Variants in SEZ6L observed in about 807,000 individuals in gnomAD.
The protein encoded by SEZ6L is seizure 6-like protein.
In SEZ6L, 37 loss-of-function variants were observed where a neutral mutation model predicts 106.2. That is an observed-to-expected ratio of 0.35 (90% CI 0.27 to 0.46). The LOEUF (loss-of-function observed/expected upper bound fraction) is 0.46, where lower values mean the gene tolerates loss of function less well. Among genes scored for constraint, SEZ6L ranks in the 20% least tolerant of loss-of-function variants. The probability of loss-of-function intolerance (pLI) is 1.00; values close to 1 mark genes in which losing one functional copy is unlikely to be tolerated. For missense variants in SEZ6L, 1,172 were observed against 1,332.8 expected (o/e 0.88, Z 1.88); for synonymous variants, 541 against 570.4 (o/e 0.95, Z 0.73).
chr22:26,190,611 A>G (rs1263242175), intron 1 of SEZ6L, among the ~76,000 whole-genome samples: 1 of 152,148 alleles, frequency 6.6e-6, no homozygotes, highest in East Asian at 1.9e-4. Context: ...GATTAAGTCT[A>G]TAGTTGGCCT....
rs2081155078 is a variant in SEZ6L, at chr22:26,292,393, C to T, written c.95-13C>T. 19 of 1,598,926 alleles carry T rather than the reference C, an allele frequency of 1.2e-5. No homozygotes were observed. Among genetic ancestry groups the T allele is most frequent in the Non-Finnish European group, 1.6e-5 (19 of 1,170,624 alleles). On this transcript the variant is annotated splice_polypyrimidine_tract_variant and intron_variant, in intron 1 of 16. Coordinates refer to ENST00000248933, the MANE Select transcript of SEZ6L (RefSeq NM_021115.5). The stretch of plus-strand genomic sequence containing the variant: ...CTCCCCAAACTAACTGGTGTCTTTT[C>T]TCCTCTTCCAAGATGCTCTTCCCGA...
chr22:26,299,309 T>G (rs574042522), intron 5 of SEZ6L, 140 bp downstream of exon 5: 2 of 591,004 alleles, frequency 3.4e-6, no homozygotes, highest in East Asian at 6.9e-5. Flanking sequence ...ATGACTATTG[T>G]TATTTATGTT....
chr22:26,382,184 C>A lies in SEZ6L; in HGVS notation c.*1889C>A. On this transcript the variant is annotated 3_prime_UTR_variant, in exon 17 of 17. Coordinates refer to ENST00000248933, the MANE Select transcript of SEZ6L (RefSeq NM_021115.5). ...CCAGGACCCAAAGCCCCATTTAATG[C>A]AAGAACCAGAGAAGTGTTCTAGGCC... The A allele has an allele frequency of 2.6e-6, 1 of 385,228 alleles. No individual in the cohort carries two copies. The highest frequency in any genetic ancestry group is 5.2e-6 in the Non-Finnish European group (1 of 194,034). The allele number at this position is 385,228 out of a possible 1,614,324, so 23.9% of individuals were successfully genotyped here.
At chr22:26,170,230 G>A (rs990370966) in intron 1 of SEZ6L, among the ~76,000 whole-genome samples, 1 of 151,952 alleles carries the variant, frequency 6.6e-6, no homozygotes, top group African/African-American at 2.4e-5. Flanking sequence ...CGCTCCCCCC[G>A]ACACCACAGA....
rs554678240 is a variant in SEZ6L at position 26,324,473 on chromosome 22, TGCCTTGTCCAGAG to T, written c.2015+10574_2015+10586del. ...TTAATTCCAAGCCCTAAAAATTAAG[TGCCTTGTCCAGAG>T]GCACTTCAGTTCTTCAAACAGAGAT... On this transcript the variant is annotated intron_variant, in intron 9 of 16. Transcript: ENST00000248933. Among the ~76,000 whole-genome samples the T allele has an allele frequency of 7.9e-5, 12 of 152,282 alleles. No individual in the cohort carries two copies. The East Asian group carries it at 1.9e-3, about 24-fold the overall frequency.
chr22:26,251,365 G>C (rs2079576530), intron 1 of SEZ6L, among the ~76,000 whole-genome samples: 1 of 150,200 alleles, frequency 6.7e-6, no homozygotes, highest in Non-Finnish European at 1.5e-5. Flanking sequence ...ATCATGAATG[G>C]ATGTTGAATT....
chr22:26,275,662 G>A (rs1011337637), intron 1 of SEZ6L, among the ~76,000 whole-genome samples: 3 of 152,182 alleles, frequency 2.0e-5, no homozygotes, highest in African/African-American at 7.2e-5. Flanking sequence ...TTGCCCATCT[G>A]TAAAATGACG....
chr22:26,326,970 G>A (rs958998250), intron 9 of SEZ6L, among the ~76,000 whole-genome samples: 4 of 152,194 alleles, frequency 2.6e-5, no homozygotes, highest in East Asian at 1.9e-4. Flanking sequence ...AGGCGGGGAC[G>A]GCCCCTGTGT....
chr22:26,355,460 G>T (rs1156537358), intron 12 of SEZ6L, among the ~76,000 whole-genome samples: 1 of 152,208 alleles, frequency 6.6e-6, no homozygotes, highest in Non-Finnish European at 1.5e-5. Context: ...TGGTGAGGTG[G>T]CTCACGCCTG....
intron 1 of SEZ6L, among the ~76,000 whole-genome samples, chr22:26,187,661 A>G (rs1939872235): frequency 6.6e-6 from 1 of 152,106 alleles, no homozygotes; most frequent in African/African-American, 2.4e-5. Flanking sequence ...CAGAGAGGAG[A>G]GGAAAAGAAT....
At chr22:26,364,094 A>G (rs2083726167) in intron 12 of SEZ6L, among the ~76,000 whole-genome samples, 1 of 152,238 alleles carries the variant, frequency 6.6e-6, no homozygotes, top group Non-Finnish European at 1.5e-5. Context: ...AAAGTACACT[A>G]ACCTACTGGA....
chr22:26,174,482 G>A (rs1258952076), intron 1 of SEZ6L, among the ~76,000 whole-genome samples: 2 of 152,154 alleles, frequency 1.3e-5, no homozygotes, highest in African/African-American at 4.8e-5. Flanking sequence ...TCACGGGCTG[G>A]GTAGACGAGA....
intron 1 of SEZ6L, among the ~76,000 whole-genome samples, chr22:26,224,746 G>A (rs2078587266): frequency 6.6e-6 from 1 of 152,152 alleles, no homozygotes; most frequent in Non-Finnish European, 1.5e-5. Context: ...GGAGGGTAAA[G>A]GAGAAGGTAG....
At chr22:26,252,078 A>G (rs1027233016) in intron 1 of SEZ6L, among the ~76,000 whole-genome samples, 1 of 152,074 alleles carries the variant, frequency 6.6e-6, no homozygotes, top group Admixed American at 6.5e-5. Flanking sequence ...CAGCAGCAGC[A>G]CCTGGGAGCT....
intron 1 of SEZ6L, among the ~76,000 whole-genome samples, chr22:26,263,490 A>G (rs918954406): frequency 3.3e-5 from 5 of 152,230 alleles, no homozygotes; most frequent in Non-Finnish European, 5.9e-5. Flanking sequence ...CTGGATTTGA[A>G]TGAAAAGTTC....
Position 26,169,656 on chromosome 22 carries a change from C to T in SEZ6L, c.-14C>T, listed in dbSNP as rs1199446536. 5 of 1,156,654 alleles carry T rather than the reference C, an allele frequency of 4.3e-6. No individual in the cohort carries two copies. The South Asian group carries it at 1.0e-4, about 24-fold the overall frequency. The allele number at this position is 1,156,654 out of a possible 1,614,324, so 71.6% of individuals were successfully genotyped here. Reference sequence around the variant, plus strand: ...CGCCCCACAGCCAGCGGCTCCGCGCCCCCTGCAGCCACGATGCCCGCGGCC... The same window carrying T: ...CGCCCCACAGCCAGCGGCTCCGCGCTCCCTGCAGCCACGATGCCCGCGGCC... On this transcript the variant is annotated 5_prime_UTR_variant, in exon 1 of 17. Transcript: ENST00000248933.
At chr22:26,221,740 G>GCA (rs3222745) in intron 1 of SEZ6L, among the ~76,000 whole-genome samples, 15,900 of 149,258 alleles carry the variant, frequency 0.11, 855 homozygotes, top group Middle Eastern at 0.16. Flanking sequence ...GCACACGCGT[G>GCA]CACACACACA....
At chr22:26,210,665 C>A (rs1356743377) in intron 1 of SEZ6L, among the ~76,000 whole-genome samples, 1 of 151,436 alleles carries the variant, frequency 6.6e-6, no homozygotes, top group East Asian at 2.0e-4. Context: ...TTTCTCATCT[C>A]CATTCTCAGA....
intron 1 of SEZ6L, among the ~76,000 whole-genome samples, chr22:26,283,207 A>G (rs925757808): frequency 1.3e-5 from 2 of 152,192 alleles, no homozygotes; most frequent in Non-Finnish European, 2.9e-5. Context: ...GGCGTGAGCC[A>G]CTGCATCCGG....
Sources: gnomAD v4.1 joint callset for allele counts (sites outside exome capture counted in the v4.1 genomes callset) on GRCh38, gnomAD v4.1.1 for gene constraint, MANE v1.5 for transcripts, NCBI Gene and HGNC (gene_info 2026-07-23, HGNC 2026-07-21) for gene names.